The following CSMD1 variants were observed in gnomAD, a reference collection of about 807,000 sequenced individuals.
The protein encoded by CSMD1 is CUB and Sushi multiple domains 1.
Under a neutral mutation model 417.5 loss-of-function variants are expected in CSMD1, and 213 were observed. That is an observed-to-expected ratio of 0.51 (90% CI 0.46 to 0.57). CSMD1 has a LOEUF of 0.57. CSMD1 is among the 20% of genes least tolerant of loss of function. The pLI is 0.00. For missense variants in CSMD1, 6,923 were observed against 4,529.7 expected (o/e 1.53, Z -15.17); for synonymous variants, 2,862 against 1,736.8 (o/e 1.65, Z -16.11).
chr8:3,440,992 G>C lies in CSMD1; in HGVS notation c.1561+27720C>G, dbSNP rs866271648. ...CAGATGGAATGTAGTTAAACATCCT[G>C]AGATTAGATCATCCTGGATTATGTT... On this transcript the variant is annotated intron_variant, in intron 12 of 69. Transcript: ENST00000635120. Among the ~76,000 whole-genome samples the C allele has an allele frequency of 2.6e-5, 4 of 152,264 alleles. No individual in the cohort carries two copies. In the South Asian group the frequency reaches 8.3e-4, roughly 32 times the overall value.
chr8:2,976,802 G>C (rs1261027413), intron 55 of CSMD1, among the ~76,000 whole-genome samples: 1 of 151,974 alleles, frequency 6.6e-6, no homozygotes, highest in Non-Finnish European at 1.5e-5. Context: ...TTCTCTTTTA[G>C]TTAACAGTCA....
intron 4 of CSMD1, among the ~76,000 whole-genome samples, chr8:4,023,077 G>A (rs554747523): frequency 4.9e-4 from 74 of 152,238 alleles, no homozygotes; most frequent in Non-Finnish European, 9.6e-4. Context: ...AGTGAAATAT[G>A]GCCTCATGGT....
chr8:3,432,410 G>T (rs1299839684), intron 12 of CSMD1, among the ~76,000 whole-genome samples: 1 of 151,904 alleles, frequency 6.6e-6, no homozygotes, highest in African/African-American at 2.4e-5. Context: ...TGCAGGTAAT[G>T]GTTGCCAAGT....
intron 2 of CSMD1, among the ~76,000 whole-genome samples, chr8:4,588,093 T>C (rs1174055077): frequency 6.6e-6 from 1 of 152,168 alleles, no homozygotes; most frequent in African/African-American, 2.4e-5. Flanking sequence ...TATTCTAAAA[T>C]GCCTCTGGCT....
intron 7 of CSMD1, among the ~76,000 whole-genome samples, chr8:3,658,637 G>A (rs1031034898): frequency 2.0e-5 from 3 of 151,840 alleles, no homozygotes; most frequent in Non-Finnish European, 2.9e-5. Flanking sequence ...ACAAAAATCA[G>A]TTGGGCGTGG....
chr8:4,177,518 G>A (rs1209156791), intron 3 of CSMD1, among the ~76,000 whole-genome samples: 1 of 152,040 alleles, frequency 6.6e-6, no homozygotes, highest in African/African-American at 2.4e-5. Flanking sequence ...ACAATTAAAA[G>A]AACTAGAAAA....
chr8:4,044,453 C>G lies in CSMD1; in HGVS notation c.416-12354G>C, dbSNP rs140600471. 3.8e-3 allele frequency among the ~76,000 whole-genome samples: 586 copies of G among 152,230 alleles called. 3 individuals are homozygous for G. Among genetic ancestry groups the G allele is most frequent in the African/African-American group, 0.014 (565 of 41,534 alleles). ...ATTCTTTACCATAAAAGCTGCTTAACTCGATTTAACTGGAGGGTCACATCT... is the reference window on the plus strand; with the variant it reads ...ATTCTTTACCATAAAAGCTGCTTAAGTCGATTTAACTGGAGGGTCACATCT... On this transcript the variant is annotated intron_variant, in intron 3 of 69. Transcript: ENST00000635120.
chr8:4,951,209 T>C (rs1344472889), intron 1 of CSMD1, among the ~76,000 whole-genome samples: 1 of 152,162 alleles, frequency 6.6e-6, no homozygotes, highest in Non-Finnish European at 1.5e-5. Flanking sequence ...ACATTCCATA[T>C]GGTCCACATT....
At chr8:3,330,161 A>T (rs1001862711) in intron 23 of CSMD1, among the ~76,000 whole-genome samples, 2 of 152,140 alleles carry the variant, frequency 1.3e-5, no homozygotes, top group Admixed American at 6.5e-5. Flanking sequence ...TTCTCCTTAC[A>T]TTGATAAACT....
intron 2 of CSMD1, among the ~76,000 whole-genome samples, chr8:4,432,167 T>A (rs1197275049): frequency 2.0e-5 from 3 of 152,224 alleles, no homozygotes; most frequent in African/African-American, 7.2e-5. Context: ...AAAACATGAT[T>A]GGCAATTATA....
At chr8:2,976,172 G>C (rs183099729) in intron 55 of CSMD1, among the ~76,000 whole-genome samples, 3 of 151,782 alleles carry the variant, frequency 2.0e-5, no homozygotes, top group East Asian at 1.9e-4. Context: ...GTTAGAATTT[G>C]AGATGAGTTT....
At chr8:3,339,872 T>C (rs1033964135) in intron 23 of CSMD1, among the ~76,000 whole-genome samples, 1 of 152,200 alleles carries the variant, frequency 6.6e-6, no homozygotes, top group Non-Finnish European at 1.5e-5. Flanking sequence ...ACCAGAAGCA[T>C]ATTATCTGGT....
chr8:3,316,728 G>T (rs997584696), intron 23 of CSMD1, among the ~76,000 whole-genome samples: 3 of 152,166 alleles, frequency 2.0e-5, no homozygotes, highest in African/African-American at 7.2e-5. Context: ...AGACAGGAAA[G>T]GTCACGGGAA....
At chr8:4,139,571 G>C (rs1330016195) in intron 3 of CSMD1, among the ~76,000 whole-genome samples, 1 of 151,196 alleles carries the variant, frequency 6.6e-6, no homozygotes, top group South Asian at 2.1e-4. Context: ...AGCTCCCTGA[G>C]CTGCCTATGG....
At chr8:3,899,177 G>A (rs1205162449) in intron 5 of CSMD1, among the ~76,000 whole-genome samples, 2 of 152,194 alleles carry the variant, frequency 1.3e-5, no homozygotes, top group South Asian at 2.1e-4. Context: ...GGTGCTTACG[G>A]CCTAGGACAG....
intron 26 of CSMD1, among the ~76,000 whole-genome samples, chr8:3,268,289 ATTTTTT>A (rs1163842745): frequency 5.3e-4 from 45 of 84,304 alleles, no homozygotes; most frequent in East Asian, 4.2e-3. Flanking sequence ...TTCATTTCCT[ATTTTTT>A]TTTTTTTTTT....
chr8:4,364,317 G>C (rs1371032050), intron 3 of CSMD1, among the ~76,000 whole-genome samples: 1 of 152,130 alleles, frequency 6.6e-6, no homozygotes, highest in Non-Finnish European at 1.5e-5. Context: ...CTCTTGATAA[G>C]ACTAGGGCCC....
intron 1 of CSMD1, among the ~76,000 whole-genome samples, chr8:4,904,390 G>T (rs1420283394): frequency 6.6e-6 from 1 of 152,144 alleles, no homozygotes; most frequent in African/African-American, 2.4e-5. Context: ...CTCTTTCACA[G>T]TAGTCAGGCA....
chr8:3,450,454 C>A (rs1379430956), intron 12 of CSMD1, among the ~76,000 whole-genome samples: 1 of 149,848 alleles, frequency 6.7e-6, no homozygotes, highest in Non-Finnish European at 1.5e-5. Context: ...AAAGCTATCC[C>A]TCCCCCCTCC....
Sources: allele counts gnomAD v4.1 joint callset (sites outside exome capture counted in the v4.1 genomes callset), GRCh38; gene constraint gnomAD v4.1.1; transcripts MANE v1.5; gene names NCBI Gene and HGNC (gene_info 2026-07-23, HGNC 2026-07-21).